Variants in TTC29 observed in about 807,000 individuals in gnomAD.
TTC29 encodes tetratricopeptide repeat domain 29, also known as tetratricopeptide repeat protein 29.
In TTC29, 49 loss-of-function variants were observed where a neutral mutation model predicts 58.1. The observed-to-expected ratio is 0.84, with a 90% confidence interval of 0.67 to 1.07. The LOEUF is 1.07. TTC29 is among the 50% of genes least tolerant of loss of function. TTC29 has a pLI of 0.00. For missense variants in TTC29, 582 were observed against 555.6 expected (o/e 1.05, Z -0.48); for synonymous variants, 209 against 196.8 (o/e 1.06, Z -0.52).
intron 10 of TTC29, among the ~76,000 whole-genome samples, chr4:146,811,401 G>T (rs1334285907): frequency 6.6e-6 from 1 of 152,068 alleles, no homozygotes; most frequent in East Asian, 1.9e-4. Context: ...CTAAGAGGAG[G>T]ATATTATCTA....
intron 4 of TTC29, among the ~76,000 whole-genome samples, chr4:146,936,521 T>A (rs1269867254): frequency 6.6e-6 from 1 of 152,110 alleles, no homozygotes; most frequent in Non-Finnish European, 1.5e-5. Context: ...AGTTAAATAA[T>A]TAATCATCAG....
chr4:146,869,911 A>G (rs562743848), intron 7 of TTC29, among the ~76,000 whole-genome samples: 1 of 152,274 alleles, frequency 6.6e-6, no homozygotes, highest in South Asian at 2.1e-4. Flanking sequence ...AACCAAAAAG[A>G]AAAGGTTAGA....
intron 5 of TTC29, among the ~76,000 whole-genome samples, chr4:146,905,266 G>A (rs1257765850): frequency 6.6e-6 from 1 of 151,368 alleles, no homozygotes; most frequent in Non-Finnish European, 1.5e-5. Context: ...TGATTAGAGA[G>A]TTATTGCTTT....
At chr4:146,776,124 C>A (rs987597705) in intron 11 of TTC29, among the ~76,000 whole-genome samples, 21 of 152,092 alleles carry the variant, frequency 1.4e-4, no homozygotes, top group African/African-American at 4.6e-4. Flanking sequence ...AAAGTGAATT[C>A]TTCAGCTCTA....
At position 146,890,090 on chromosome 4, in the gene TTC29, T is replaced by C. The variant is rs542055050; in HGVS notation, c.586+13454A>G. On this transcript the variant is annotated intron_variant, in intron 6 of 12. Transcript: ENST00000325106. ...AACATTGACACCACATTGAATATTA[T>C]ATTAGTTTCCTGGAGCTGTCATAAA... is the stretch of plus-strand genomic sequence containing the variant. 5.9e-5 allele frequency among the ~76,000 whole-genome samples: 9 copies of C among 152,256 alleles called. No homozygotes were observed. The South Asian group carries it at 1.9e-3, about 32-fold the overall frequency.
chr4:146,709,533 G>A (rs1579494461), intron 11 of TTC29, among the ~76,000 whole-genome samples: 1 of 152,050 alleles, frequency 6.6e-6, no homozygotes, highest in Admixed American at 6.6e-5. Flanking sequence ...TATAGCCCTA[G>A]TTAAATCTAG....
At chr4:146,926,862 G>A (rs1244826453) in intron 4 of TTC29, among the ~76,000 whole-genome samples, 1 of 152,102 alleles carries the variant, frequency 6.6e-6, no homozygotes, top group African/African-American at 2.4e-5. Context: ...AAAAGGTGAA[G>A]AAAACACAAT....
intron 10 of TTC29, among the ~76,000 whole-genome samples, chr4:146,816,477 A>G (rs1047603034): frequency 6.6e-6 from 1 of 152,164 alleles, no homozygotes; most frequent in African/African-American, 2.4e-5. Context: ...GAGCACAGCT[A>G]GAGCAACAGG....
rs552716578 is a variant in TTC29 at position 146,870,238 on chromosome 4, T to C, written c.800-2655A>G. ...TGGGAAACTTGCACGTATGTGGAAA[T>C]TAAAAATTATCCTAAATAAACAATG... On this transcript the variant is annotated intron_variant, in intron 7 of 12. Coordinates refer to ENST00000325106, the MANE Select transcript of TTC29 (RefSeq NM_031956.4). 1.4e-3 allele frequency among the ~76,000 whole-genome samples: 209 copies of C among 151,976 alleles called. 1 individual carries two copies. Among genetic ancestry groups the C allele is most frequent in the Non-Finnish European group, 2.1e-3 (146 of 67,928 alleles).
intron 11 of TTC29, among the ~76,000 whole-genome samples, chr4:146,753,742 A>C (rs767512412): frequency 6.6e-5 from 10 of 152,212 alleles, no homozygotes; most frequent in Admixed American, 5.9e-4. Flanking sequence ...TGATGAGTTC[A>C]TGTCCTTTGT....
chr4:146,726,434 G>GT (rs1197342672), intron 11 of TTC29, among the ~76,000 whole-genome samples: 2 of 152,068 alleles, frequency 1.3e-5, no homozygotes, highest in Non-Finnish European at 2.9e-5. Context: ...GCCTAATACA[G>GT]TGAGACTCTG....
chr4:146,734,780 A>T (rs1364313110), intron 11 of TTC29, among the ~76,000 whole-genome samples: 2 of 152,066 alleles, frequency 1.3e-5, no homozygotes, highest in African/African-American at 4.8e-5. Context: ...TTTTCCTGAA[A>T]CAATTGGTGG....
At chr4:146,845,156 A>C (rs1729086116) in intron 8 of TTC29, among the ~76,000 whole-genome samples, 1 of 152,168 alleles carries the variant, frequency 6.6e-6, no homozygotes, top group African/African-American at 2.4e-5. Context: ...ACTTGAGGTA[A>C]TCTGAATGAA....
chr4:146,866,423 C>A (rs1307263975), intron 8 of TTC29, among the ~76,000 whole-genome samples: 1 of 151,312 alleles, frequency 6.6e-6, no homozygotes, highest in Admixed American at 6.6e-5. Context: ...CTCTCAAAAA[C>A]TTTTTTTTTG....
At chr4:146,918,230 T>C (rs904580325) in intron 4 of TTC29, among the ~76,000 whole-genome samples, 2 of 151,074 alleles carry the variant, frequency 1.3e-5, no homozygotes, top group East Asian at 3.8e-4. Flanking sequence ...TGAAAAATGC[T>C]ATTTTGAAAA....
At chr4:146,785,366 G>T (rs929798422) in intron 11 of TTC29, among the ~76,000 whole-genome samples, 4 of 152,018 alleles carry the variant, frequency 2.6e-5, no homozygotes, top group African/African-American at 9.7e-5. Flanking sequence ...TATTAAGGAG[G>T]TTGCCACTGC....
intron 11 of TTC29, among the ~76,000 whole-genome samples, chr4:146,728,875 G>GTA (rs1188254801): frequency 2.2e-4 from 5 of 23,194 alleles, no homozygotes; most frequent in African/African-American, 3.9e-4. Flanking sequence ...ATATGTGTGT[G>GTA]TATATATATA....
intron 11 of TTC29, among the ~76,000 whole-genome samples, chr4:146,747,337 C>T (rs1489938531): frequency 2.0e-5 from 3 of 152,152 alleles, no homozygotes; most frequent in South Asian, 2.1e-4. Flanking sequence ...GTAGCCATTA[C>T]GTCCTTCCAT....
At chr4:146,940,021 T>C (rs1280733361) in intron 2 of TTC29, 120 bp from the exon 3 acceptor site, 8 of 869,544 alleles carry the variant, frequency 9.2e-6, no homozygotes, top group East Asian at 3.0e-5. Context: ...TGTGTAGTGC[T>C]ACAGCTGTGT....
Sources: allele counts gnomAD v4.1 joint callset (sites outside exome capture counted in the v4.1 genomes callset), GRCh38; gene constraint gnomAD v4.1.1; transcripts MANE v1.5; gene names NCBI Gene and HGNC (gene_info 2026-07-23, HGNC 2026-07-21).